The following KLHDC3 variants were observed in gnomAD, a reference collection of about 807,000 sequenced individuals.
KLHDC3 encodes kelch domain containing 3, also known as kelch domain-containing protein 3.
A neutral mutation model predicts 44.1 loss-of-function variants in KLHDC3; 5 were observed. The observed-to-expected ratio is 0.11, with a 90% CI of 0.06 to 0.24. The LOEUF is 0.24. Ranked by LOEUF, KLHDC3 falls within the 10% of genes least tolerant of loss-of-function variation. The pLI, the probability that KLHDC3 is intolerant of heterozygous loss-of-function variation, is 1.00. For missense variants in KLHDC3, 247 were observed against 514.3 expected (o/e 0.48, Z 5.03); for synonymous variants, 170 against 189.0 (o/e 0.90, Z 0.82).
At chr6:43,019,191 T>A in intron 9 of KLHDC3, 26 bp downstream of exon 9, 1 of 1,573,024 alleles carries the variant, frequency 6.4e-7, no homozygotes, top group Non-Finnish European at 8.8e-7. Flanking sequence ...CCTGAATTGC[T>A]CCTGCCATCA....
chr6:43,015,745 G>A lies in KLHDC3; in HGVS notation c.-59-1389G>A, dbSNP rs567603184. 2.6e-5 allele frequency among the ~76,000 whole-genome samples: 4 copies of A among 151,884 alleles called. 1 individual carries two copies. Among genetic ancestry groups the A allele is most frequent in the African/African-American group, 9.7e-5 (4 of 41,412 alleles). On this transcript the variant is annotated intron_variant, in intron 1 of 10. Coordinates refer to ENST00000326974, the MANE Select transcript of KLHDC3 (RefSeq NM_057161.4). ...GGCGCCTGTAATCCCAGCTACTTGG[G>A]AGGCTGAGGCAGGAGAATCGCTTGA...
rs958634526 is a variant in KLHDC3 at position 43,018,333 on chromosome 6, C to T, written c.520-10C>T. ...GCTGACCCCTCCACCATCTCTCTGCCTCTGCCCAGGGCAGCCCTGCACGCT... is the reference window on the plus strand; with the variant it reads ...GCTGACCCCTCCACCATCTCTCTGCTTCTGCCCAGGGCAGCCCTGCACGCT... On this transcript the variant is annotated splice_polypyrimidine_tract_variant and intron_variant, in intron 5 of 10. Coordinates refer to ENST00000326974, the MANE Select transcript of KLHDC3 (RefSeq NM_057161.4). The surrounding 1 kb of genome is among the most constrained non-coding windows in gnomAD (Gnocchi z 6.0). The T allele has an allele frequency of 1.9e-6, 3 of 1,612,328 alleles. No individual in the cohort carries two copies. The African/African-American group carries it at 4.0e-5, about 22-fold the overall frequency.
At chr6:43,020,409 C>T (rs564040833) in intron 10 of KLHDC3, among the ~76,000 whole-genome samples, 1 of 152,186 alleles carries the variant, frequency 6.6e-6, no homozygotes, top group East Asian at 1.9e-4. Context: ...GGTGCCTGGA[C>T]ACTGCAATAT....
chr6:43,014,262 G>A lies in KLHDC3; in HGVS notation c.-146G>A, dbSNP rs1762499903. On this transcript the variant is annotated 5_prime_UTR_variant, in exon 1 of 11. Coordinates refer to ENST00000326974, the MANE Select transcript of KLHDC3 (RefSeq NM_057161.4). ...GAGCTTGGCTGTGTTTATCTCGTTG[G>A]GGACTAAGGCGTCGGTTGGCGCGCA... The A allele has an allele frequency of 2.2e-6, 2 of 921,620 alleles. No homozygotes were observed. The highest frequency in any genetic ancestry group is 3.5e-4 in the Middle Eastern group (1 of 2,868). 57.1% of individuals were successfully genotyped at this position (921,620 alleles called of 1,614,324 possible).
At chr6:43,014,372 C>CA in intron 1 of KLHDC3, 24 bp downstream of exon 1, 1 of 560,762 alleles carries the variant, frequency 1.8e-6, no homozygotes, top group Non-Finnish European at 3.3e-6. Flanking sequence ...GGTAGAAGGG[C>CA]AAGGGAGAAT....
intron 10 of KLHDC3, 83 bp downstream of exon 10, chr6:43,019,449 T>C (rs1212839374): frequency 2.2e-6 from 2 of 899,050 alleles, no homozygotes; most frequent in East Asian, 2.4e-5. Context: ...GGTTTCAGTA[T>C]GGAGGAGACA....
Position 43,017,372 on chromosome 6 carries a change from G to T in KLHDC3, c.154+26G>T. ...GTAAGCCAATGCTGGGGCTGTCCCT[G>T]GGTCCCCACATCAGGGTGGGAACGG... On this transcript the variant is annotated intron_variant, in intron 2 of 10. Transcript: ENST00000326974. The surrounding 1 kb of genome is among the most constrained non-coding windows in gnomAD (Gnocchi z 6.0). The T allele has an allele frequency of 6.2e-7, 1 of 1,601,218 alleles. No homozygotes were observed. Among genetic ancestry groups the T allele is most frequent in the South Asian group, 1.1e-5 (1 of 89,492 alleles).
intron 8 of KLHDC3, 42 bp downstream of exon 8, chr6:43,019,013 G>A (rs1412934667): frequency 6.4e-7 from 1 of 1,561,482 alleles, no homozygotes; most frequent in South Asian, 1.1e-5. Flanking sequence ...AGTCACTAAT[G>A]GGAGAGTGGG....
chr6:43,016,807 G>A (rs1762589551), intron 1 of KLHDC3: 1 of 225,162 alleles, frequency 4.4e-6, no homozygotes, highest in Non-Finnish European at 8.9e-6. Context: ...TTTGGGAAGG[G>A]GGCTTCAAGT....
Position 43,018,995 on chromosome 6 carries a change from C to T in KLHDC3, c.929+24C>T. 1 of 1,579,166 alleles carries T rather than the reference C, an allele frequency of 6.3e-7. No individual in the cohort carries two copies. ...AGGTTAGAAGGAGAGAGGGAAGGGG[C>T]TCAGGGAAGTCACTAATGGGAGAGT... On this transcript the variant is annotated intron_variant, in intron 8 of 10. Transcript: ENST00000326974. This position sits in a 1 kb window ranked among gnomAD's most constrained non-coding sequence, Gnocchi z 6.0.
rs942995035 is a variant in KLHDC3 at position 43,021,172 on chromosome 6, C to T, written c.*439C>T. On this transcript the variant is annotated 3_prime_UTR_variant, in exon 11 of 11. Coordinates refer to ENST00000326974, the MANE Select transcript of KLHDC3 (RefSeq NM_057161.4). ...AGGAGTTGCAGCTGTTGGCATGAGA[C>T]CTCCTTCTCCCCGTCTTGGGGAGGT... 2.2e-6 allele frequency: 1 copy of T among 455,386 alleles called. No homozygotes were observed. Among genetic ancestry groups the T allele is most frequent in the Admixed American group, 2.4e-5 (1 of 41,850 alleles). 28.2% of individuals were successfully genotyped at this position (455,386 alleles called of 1,614,324 possible). A position where few individuals can be genotyped will look rare whatever the true frequency, so the allele number is the denominator to read the frequency against.
At position 43,018,834 on chromosome 6, in the gene KLHDC3, A is replaced by C. The variant is rs370460984; in HGVS notation, c.821-29A>C. 10 of 1,576,608 alleles carry C rather than the reference A, an allele frequency of 6.3e-6. No homozygotes were observed. The African/African-American group carries it at 1.4e-4, about 21-fold the overall frequency. ...GGGAAGATACCTGGACTAGGCAGGT[A>C]TTGAACTTCCATATAAATTTCTCTT... On this transcript the variant is annotated intron_variant, in intron 7 of 10. Transcript: ENST00000326974. The surrounding 1 kb of genome is among the most constrained non-coding windows in gnomAD (Gnocchi z 6.0).
At position 43,014,265 on chromosome 6, in the gene KLHDC3, A is replaced by G; in HGVS notation, c.-143A>G. 1.1e-6 allele frequency: 1 copy of G among 908,972 alleles called. No homozygotes were observed. The highest frequency in any genetic ancestry group is 1.7e-5 in the African/African-American group (1 of 59,372). The allele number at this position is 908,972 out of a possible 1,614,324, so 56.3% of individuals were successfully genotyped here. A position where few individuals can be genotyped will look rare whatever the true frequency, so the allele number is the denominator to read the frequency against. On this transcript the variant is annotated 5_prime_UTR_variant, in exon 1 of 11. Coordinates refer to ENST00000326974, the MANE Select transcript of KLHDC3 (RefSeq NM_057161.4). ...CTTGGCTGTGTTTATCTCGTTGGGG[A>G]CTAAGGCGTCGGTTGGCGCGCAACG... is the stretch of plus-strand genomic sequence containing the variant.
Position 43,018,416 on chromosome 6 carries a change from G to A in KLHDC3, c.593G>A (p.Arg198His). ...LGSHMYVFGGRADRFGPFHSN... is the reference protein window; with the variant it reads ...LGSHMYVFGGHADRFGPFHSN... ...AGTCACATGTATGTCTTTGGGGGCC[G>A]TGCCGACCGCTTTGGGCCATTCCAT... Residue 198 changes from arginine to histidine, a missense_variant, in exon 6 of 11, where the codon CGT becomes CAT. Physicochemically the swap from Arg to His is conservative, Grantham distance 29 (BLOSUM62 0). Coordinates refer to ENST00000326974, the MANE Select transcript of KLHDC3 (RefSeq NM_057161.4). This position sits in a 1 kb window ranked among gnomAD's most constrained non-coding sequence, Gnocchi z 6.0. 1 of 1,614,122 alleles carries A rather than the reference G, an allele frequency of 6.2e-7. No homozygotes were observed. The highest frequency in any genetic ancestry group is 8.5e-7 in the Non-Finnish European group (1 of 1,180,012).
At chr6:43,015,704 G>A (rs1360151654) in intron 1 of KLHDC3, among the ~76,000 whole-genome samples, 1 of 151,940 alleles carries the variant, frequency 6.6e-6, no homozygotes, top group Admixed American at 6.6e-5. Context: ...ACAAAAATTA[G>A]CTGGGCATGG....
Position 43,018,516 on chromosome 6 carries a change from G to T in KLHDC3, c.693G>T (p.Pro231=). 6.2e-7 allele frequency: 1 copy of T among 1,614,108 alleles called. No individual in the cohort carries two copies. The highest frequency in any genetic ancestry group is 8.5e-7 in the Non-Finnish European group (1 of 1,180,036). The change falls in exon 6 of 11, where the codon CCG becomes CCT. Residue 231 remains proline (P), a synonymous_variant. Coordinates refer to ENST00000326974, the MANE Select transcript of KLHDC3 (RefSeq NM_057161.4). The surrounding 1 kb of genome is among the most constrained non-coding windows in gnomAD (Gnocchi z 6.0). ...TRTEAWLDCP[P]TPVLPEGRRS... is the part of the protein sequence containing the mutation. The stretch of plus-strand genomic sequence containing the variant: ...CTGAGGCTTGGCTGGACTGTCCCCC[G>T]ACTCCAGTGCTGCCTGAGGGGCGCC...
rs1051988351 is a variant in KLHDC3, at chr6:43,018,641, A to G, written c.742A>G (p.Asn248Asp). The part of the protein sequence containing the change: ...GRRSHSAFGY[N>D]GELYIFGGYN... ...TTCCTCTCTCCTTCCAGTTGGCTACAATGGGGAGCTGTACATCTTTGGTGG... is the reference window on the plus strand; with the variant it reads ...TTCCTCTCTCCTTCCAGTTGGCTACGATGGGGAGCTGTACATCTTTGGTGG... Residue 248 changes from asparagine to aspartate, a missense_variant, in exon 7 of 11, where the codon AAT becomes GAT. This residue lies in a region of KLHDC3 where 176 missense variants were observed against 413.5 expected (regional missense o/e 0.43). Coordinates refer to ENST00000326974, the MANE Select transcript of KLHDC3 (RefSeq NM_057161.4). The surrounding 1 kb of genome is among the most constrained non-coding windows in gnomAD (Gnocchi z 6.0). 2.5e-6 allele frequency: 4 copies of G among 1,613,930 alleles called. No homozygotes were observed. The highest frequency in any genetic ancestry group is 2.5e-6 in the Non-Finnish European group (3 of 1,179,912).
rs1762503014 is a variant in KLHDC3, at chr6:43,014,362, G to T, written c.-60+14G>T. 1.9e-5 allele frequency: 12 copies of T among 621,200 alleles called. No homozygotes were observed. In the South Asian group the frequency reaches 2.1e-4, roughly 11 times the overall value. The allele number at this position is 621,200 out of a possible 1,614,324, so 38.5% of individuals were successfully genotyped here. A position where few individuals can be genotyped will look rare whatever the true frequency, so the allele number is the denominator to read the frequency against. On this transcript the variant is annotated intron_variant, in intron 1 of 10. Coordinates refer to ENST00000326974, the MANE Select transcript of KLHDC3 (RefSeq NM_057161.4). ...TCGGCCTGGCAGGTAGCCTGGGATG[G>T]GTAGAAGGGCAAGGGAGAATTAGGG...
intron 1 of KLHDC3, among the ~76,000 whole-genome samples, chr6:43,015,864 A>AG: frequency 6.6e-6 from 1 of 151,276 alleles, no homozygotes; most frequent in East Asian, 1.9e-4. Context: ...AAAAAAAAAA[A>AG]AAAAAAAAAG....
Sources: allele counts gnomAD v4.1 joint callset (sites outside exome capture counted in the v4.1 genomes callset), GRCh38; gene constraint gnomAD v4.1.1; regional missense constraint gnomAD v4.1.1; non-coding constraint Gnocchi (gnomAD v3.1); transcripts MANE v1.5; gene names NCBI Gene and HGNC (gene_info 2026-07-23, HGNC 2026-07-21).